Variants in CDH13 observed in about 807,000 individuals in gnomAD.
The protein encoded by CDH13 is cadherin 13, also known as cadherin-13.
A neutral mutation model predicts 63.8 loss-of-function variants in CDH13; 24 were observed. That is an observed-to-expected ratio of 0.38 (90% CI 0.27 to 0.53). The LOEUF is 0.53. Ranked by LOEUF, CDH13 falls within the 20% of genes least tolerant of loss-of-function variation. CDH13 has a pLI of 0.85. For synonymous variants in CDH13, 503 were observed against 355.3 expected (o/e 1.42, Z -4.67); for missense variants, 1,049 against 903.1 (o/e 1.16, Z -2.07).
At chr16:83,513,597 G>A (rs1010159872) in intron 7 of CDH13, among the ~76,000 whole-genome samples, 3 of 152,156 alleles carry the variant, frequency 2.0e-5, no homozygotes, top group Admixed American at 1.3e-4. Context: ...CAGGGTGGCA[G>A]CAAGGAGAAG....
intron 8 of CDH13, among the ~76,000 whole-genome samples, chr16:83,616,404 G>T (rs540912040): frequency 6.6e-6 from 1 of 151,976 alleles, no homozygotes; most frequent in South Asian, 2.1e-4. Flanking sequence ...ACCTCTATGC[G>T]AATTCCGTGC....
chr16:83,403,583 A>G (rs1038993846), intron 6 of CDH13, among the ~76,000 whole-genome samples: 3 of 152,140 alleles, frequency 2.0e-5, no homozygotes, highest in African/African-American at 4.8e-5. Context: ...AGATGGCACA[A>G]TTGCAGTCCA....
At position 83,052,600 on chromosome 16, in the gene CDH13, C is replaced by T. The variant is rs1309578831; in HGVS notation, c.366+20382C>T. Among the ~76,000 whole-genome samples, 7 of 151,882 alleles carry T rather than the reference C, an allele frequency of 4.6e-5. No homozygotes were observed. In the South Asian group the frequency reaches 1.2e-3, roughly 27 times the overall value. On this transcript the variant is annotated intron_variant, in intron 3 of 13. Coordinates refer to ENST00000567109, the MANE Select transcript of CDH13 (RefSeq NM_001257.5). ...TTGAAGACCAGCCAGGCCAACATGG[C>T]GAAACCCTGTCTCTACTAAAAATAC...
intron 4 of CDH13, among the ~76,000 whole-genome samples, chr16:83,168,496 G>A (rs12596125): frequency 0.062 from 9,443 of 151,964 alleles, 523 homozygotes; most frequent in African/African-American, 0.14. Flanking sequence ...GATACAGAAT[G>A]ACAGAGTCAA....
chr16:83,259,734 G>A (rs17756425), intron 5 of CDH13, among the ~76,000 whole-genome samples: 13 of 152,054 alleles, frequency 8.5e-5, no homozygotes, highest in African/African-American at 2.9e-4. Flanking sequence ...TTTGACTGAG[G>A]AAACTCGCTT....
intron 2 of CDH13, among the ~76,000 whole-genome samples, chr16:82,883,057 G>A (rs2040760711): frequency 6.6e-6 from 1 of 152,134 alleles, no homozygotes; most frequent in African/African-American, 2.4e-5. Flanking sequence ...CCTTCTAAGG[G>A]TTAGAGAGAC....
At chr16:82,730,687 G>A (rs1447210682) in intron 1 of CDH13, among the ~76,000 whole-genome samples, 1 of 152,162 alleles carries the variant, frequency 6.6e-6, no homozygotes, top group Non-Finnish European at 1.5e-5. Context: ...CTCAATGCAG[G>A]GTTGCCAGAA....
At chr16:83,081,893 C>A (rs1489761670) in intron 3 of CDH13, among the ~76,000 whole-genome samples, 2 of 149,466 alleles carry the variant, frequency 1.3e-5, no homozygotes, top group African/African-American at 4.9e-5. Flanking sequence ...CTCCGCCTCC[C>A]AGGTTCAAGC....
intron 2 of CDH13, chr16:82,884,374 G>C (rs1476203094): frequency 2.8e-6 from 1 of 352,218 alleles, no homozygotes; most frequent in Admixed American, 3.8e-5. Flanking sequence ...AACCAGGAGA[G>C]CTGACAAGTA....
chr16:82,983,410 C>G (rs765070598), intron 2 of CDH13, among the ~76,000 whole-genome samples: 1 of 152,072 alleles, frequency 6.6e-6, no homozygotes, highest in Non-Finnish European at 1.5e-5. Flanking sequence ...GAGATCTGAA[C>G]TTATATGTCA....
At chr16:83,562,401 C>A (rs2075725020) in intron 7 of CDH13, among the ~76,000 whole-genome samples, 1 of 152,178 alleles carries the variant, frequency 6.6e-6, no homozygotes, top group African/African-American at 2.4e-5. Context: ...TCTTATGTAA[C>A]CCACAGTGAA....
chr16:83,288,205 A>G (rs922561467), intron 5 of CDH13, among the ~76,000 whole-genome samples: 2 of 152,058 alleles, frequency 1.3e-5, no homozygotes, highest in Non-Finnish European at 2.9e-5. Context: ...CAAGCTCCTC[A>G]CTCATCTCCT....
At chr16:83,317,760 A>G (rs2090137520) in intron 5 of CDH13, among the ~76,000 whole-genome samples, 1 of 151,762 alleles carries the variant, frequency 6.6e-6, no homozygotes, top group Middle Eastern at 3.4e-3. Flanking sequence ...AGACTGCACC[A>G]TTGCACTCCA....
chr16:82,768,454 G>T (rs2035143997), intron 1 of CDH13, among the ~76,000 whole-genome samples: 2 of 152,148 alleles, frequency 1.3e-5, no homozygotes, highest in African/African-American at 2.4e-5. Flanking sequence ...GGAAATGGAG[G>T]TTAGGCAATA....
intron 5 of CDH13, among the ~76,000 whole-genome samples, chr16:83,260,618 G>C (rs1567546502): frequency 6.6e-6 from 1 of 152,152 alleles, no homozygotes; most frequent in African/African-American, 2.4e-5. Flanking sequence ...TGCTGATACT[G>C]CTGCTCCCCA....
chr16:83,051,853 C>G (rs930808052), intron 3 of CDH13, among the ~76,000 whole-genome samples: 2 of 152,316 alleles, frequency 1.3e-5, no homozygotes, highest in African/African-American at 4.8e-5. Context: ...TCTGTTACCC[C>G]TAAGAGACAC....
intron 5 of CDH13, among the ~76,000 whole-genome samples, chr16:83,328,522 G>A (rs759143157): frequency 4.0e-4 from 61 of 152,192 alleles, no homozygotes; most frequent in African/African-American, 1.1e-3. Context: ...TTCAAAGATC[G>A]TGTGGAAACC....
At chr16:83,186,573 G>T (rs2038532208) in intron 4 of CDH13, among the ~76,000 whole-genome samples, 1 of 151,894 alleles carries the variant, frequency 6.6e-6, no homozygotes, top group Non-Finnish European at 1.5e-5. Context: ...TTTGTTATTT[G>T]CTTTATGTTT....
intron 7 of CDH13, among the ~76,000 whole-genome samples, chr16:83,509,896 C>G (rs2074516964): frequency 6.6e-6 from 1 of 152,208 alleles, no homozygotes. Context: ...GGGTAGATGA[C>G]TGGCTCAAGG....
Sources: allele counts gnomAD v4.1 joint callset (sites outside exome capture counted in the v4.1 genomes callset), GRCh38; gene constraint gnomAD v4.1.1; transcripts MANE v1.5; gene names NCBI Gene and HGNC (gene_info 2026-07-23, HGNC 2026-07-21).